The following USP46 variants were observed in gnomAD, a reference collection of about 807,000 sequenced individuals.
USP46 encodes ubiquitin specific peptidase 46, also known as ubiquitin carboxyl-terminal hydrolase 46.
A neutral mutation model predicts 44.4 loss-of-function variants in USP46; 12 were observed. The observed-to-expected ratio is 0.27, with a 90% CI of 0.17 to 0.44. The LOEUF (loss-of-function observed/expected upper bound fraction) is 0.44, where lower values mean the gene tolerates loss of function less well. USP46 is among the 20% of genes least tolerant of loss of function. The pLI, the probability that USP46 is intolerant of heterozygous loss-of-function variation, is 1.00. For synonymous variants in USP46, 155 were observed against 161.5 expected, an observed-to-expected ratio of 0.96 and a Z score of 0.31; for missense variants, 248 against 444.8, an observed-to-expected ratio of 0.56 and a Z score of 3.98.
At chr4:52,650,131 G>A (rs950248898) in intron 1 of USP46, among the ~76,000 whole-genome samples, 1 of 152,194 alleles carries the variant, frequency 6.6e-6, no homozygotes, top group African/African-American at 2.4e-5. Flanking sequence ...AGACACCTGA[G>A]CAAAGAAGAC....
intron 1 of USP46, among the ~76,000 whole-genome samples, chr4:52,635,414 T>G (rs899028143): frequency 2.0e-5 from 3 of 152,218 alleles, no homozygotes; most frequent in Non-Finnish European, 4.4e-5. Flanking sequence ...CCATTTCAAG[T>G]GGCCCACAAC....
chr4:52,630,278 G>A (rs1717769238), intron 2 of USP46, among the ~76,000 whole-genome samples: 1 of 152,182 alleles, frequency 6.6e-6, no homozygotes, highest in Admixed American at 6.5e-5. Context: ...GGAATTCTGA[G>A]ATAAAATGGT....
At chr4:52,635,704 T>A (rs1405857125) in intron 1 of USP46, among the ~76,000 whole-genome samples, 3 of 152,168 alleles carry the variant, frequency 2.0e-5, no homozygotes, top group Non-Finnish European at 4.4e-5. Context: ...TGCTTCAGCA[T>A]CTCCCATATC....
Position 52,601,896 on chromosome 4 carries a change from C to T in USP46, c.881G>A (p.Arg294His), listed in dbSNP as rs768831016. ...GACCACCGCAACCAAGTCATACATGCGGTCCAGGTTCACTGCATCACTGGA... is the reference window on the plus strand; with the variant it reads ...GACCACCGCAACCAAGTCATACATGTGGTCCAGGTTCACTGCATCACTGGA... Reference protein sequence around the residue: ...NTSSDAVNLDRMYDLVAVVVH... With the variant: ...NTSSDAVNLDHMYDLVAVVVH... Residue 294 changes from arginine (R) to histidine (H), a missense_variant, in exon 7 of 9, where the codon CGC becomes CAC. Coordinates refer to ENST00000441222, the MANE Select transcript of USP46 (RefSeq NM_022832.4). The T allele has an allele frequency of 9.9e-6, 16 of 1,613,740 alleles. No individual in the cohort carries two copies. The highest frequency in any genetic ancestry group is 5.0e-5 in the Admixed American group (3 of 59,988).
At position 52,659,256 on chromosome 4, in the gene USP46, T is replaced by G; in HGVS notation, c.-106A>C. On this transcript the variant is annotated 5_prime_UTR_variant, in exon 1 of 9. Transcript: ENST00000441222. The surrounding 1 kb of genome is among the most constrained non-coding windows in gnomAD (Gnocchi z 4.2). The stretch of plus-strand genomic sequence containing the variant: ...GAGGCCGGGCGGCAGCGCGGCGGCC[T>G]GGGGTCCGGCTTTCAGTTTGGCTGG... 9.0e-7 allele frequency: 1 copy of G among 1,113,948 alleles called. No homozygotes were observed. The highest frequency in any genetic ancestry group is 1.1e-6 in the Non-Finnish European group (1 of 870,256). The allele number at this position is 1,113,948 out of a possible 1,614,324, so 69.0% of individuals were successfully genotyped here. A position where few individuals can be genotyped will look rare whatever the true frequency, so the allele number is the denominator to read the frequency against.
At chr4:52,642,285 T>C (rs2109655991) in intron 1 of USP46, among the ~76,000 whole-genome samples, 1 of 152,378 alleles carries the variant, frequency 6.6e-6, no homozygotes, top group South Asian at 2.1e-4. Flanking sequence ...TGTATTTCAT[T>C]CATTTTCATC....
intron 1 of USP46, among the ~76,000 whole-genome samples, chr4:52,632,918 G>GACAAAGAAAGAAAGAAAGAA (rs34224846): frequency 2.8e-5 from 1 of 35,176 alleles, no homozygotes; most frequent in Non-Finnish European, 6.3e-5. Flanking sequence ...AAGAAAGAAA[G>GACAAAGAAAGAAAGAAAGAA]AGAAAGAAAG....
At chr4:52,629,401 TA>T (rs1717721405) in intron 2 of USP46, among the ~76,000 whole-genome samples, 1 of 152,184 alleles carries the variant, frequency 6.6e-6, no homozygotes, top group Admixed American at 6.5e-5. Context: ...GAAATGGCCT[TA>T]ATTCTTTCTC....
At position 52,595,901 on chromosome 4, in the gene USP46, G is replaced by A. The variant is rs758568096; in HGVS notation, c.*1739C>T. The A allele has an allele frequency of 2.0e-5, 3 of 152,466 alleles. No homozygotes were observed. Among genetic ancestry groups the A allele is most frequent in the Non-Finnish European group, 4.4e-5 (3 of 68,020 alleles). 9.4% of individuals were successfully genotyped at this position (152,466 alleles called of 1,614,324 possible). On this transcript the variant is annotated 3_prime_UTR_variant, in exon 9 of 9. Transcript: ENST00000441222. The stretch of plus-strand genomic sequence containing the variant: ...TCACCTTCCAGGTAGTGATTACTGC[G>A]TAAGTTTCATGGAGGAAAAAAAAAT...
chr4:52,658,138 G>A (rs1719023250), intron 1 of USP46: 1 of 450,896 alleles, frequency 2.2e-6, no homozygotes. Flanking sequence ...GCGGGGTGCA[G>A]TCTAAAGAAT....
chr4:52,625,906 A>C (rs1010770538), intron 4 of USP46, 112 bp downstream of exon 4: 1 of 1,061,146 alleles, frequency 9.4e-7, no homozygotes, highest in Non-Finnish European at 1.4e-6. Flanking sequence ...AGGATTATTT[A>C]CATACACTGC....
chr4:52,626,164 C>G lies in USP46; in HGVS notation c.415G>C (p.Glu139Gln), dbSNP rs1302280939. Reference protein sequence around the residue: ...LNTIADILQEEKKQEKQNGKL... With the variant: ...LNTIADILQEQKKQEKQNGKL... ...CCATTTTGTTTTTCCTGTTTCTTCT[C>G]CTCCTGAAGGATGTCCGCAATAGTG... is the stretch of plus-strand genomic sequence containing the variant. Residue 139 changes from glutamate to glutamine, a missense_variant, in exon 4 of 9, where the codon GAG (glutamate) becomes CAG (glutamine). Around this residue, in one of 5 missense-constraint regions of USP46, gnomAD observed 54 missense variants for 135.0 expected, o/e 0.40. Transcript: ENST00000441222. The G allele has an allele frequency of 6.2e-7, 1 of 1,613,738 alleles. No homozygotes were observed. Among genetic ancestry groups the G allele is most frequent in the African/African-American group, 1.3e-5 (1 of 74,884 alleles).
Position 52,597,535 on chromosome 4 carries a change from T to G in USP46, c.*105A>C. The G allele has an allele frequency of 1.4e-6, 1 of 734,918 alleles. No individual in the cohort carries two copies. Among genetic ancestry groups the G allele is most frequent in the Non-Finnish European group, 2.3e-6 (1 of 426,772 alleles). 45.5% of individuals were successfully genotyped at this position (734,918 alleles called of 1,614,324 possible). A position where few individuals can be genotyped will look rare whatever the true frequency, so the allele number is the denominator to read the frequency against. On this transcript the variant is annotated 3_prime_UTR_variant, in exon 9 of 9. Transcript: ENST00000441222. Reference sequence around the variant, plus strand: ...ACAGCCAGACCATTGAGACTCGGAGTGATACCATTAGTGGGCCACTGGGGA... The same window carrying G: ...ACAGCCAGACCATTGAGACTCGGAGGGATACCATTAGTGGGCCACTGGGGA...
Position 52,597,747 on chromosome 4 carries a change from A to T in USP46, c.1000-6T>A, listed in dbSNP as rs569716112. 1 of 1,572,420 alleles carries T rather than the reference A, an allele frequency of 6.4e-7. No individual in the cohort carries two copies. Among genetic ancestry groups the T allele is most frequent in the East Asian group, 2.3e-5 (1 of 44,292 alleles). On this transcript the variant is annotated splice_region_variant and splice_polypyrimidine_tract_variant and intron_variant, in intron 8 of 8. Coordinates refer to ENST00000441222, the MANE Select transcript of USP46 (RefSeq NM_022832.4). ...ATAGCTTGAGCATCTATTTTCTGCAATAAAGGAGAAAGAAAACAACACAAT... is the reference window on the plus strand; with the variant it reads ...ATAGCTTGAGCATCTATTTTCTGCATTAAAGGAGAAAGAAAACAACACAAT...
At chr4:52,633,915 C>CA (rs1003040967) in intron 1 of USP46, among the ~76,000 whole-genome samples, 2 of 152,112 alleles carry the variant, frequency 1.3e-5, no homozygotes, top group African/African-American at 2.4e-5. Context: ...CAAAACAGCA[C>CA]AGCGAAAAAT....
intron 4 of USP46, among the ~76,000 whole-genome samples, chr4:52,623,792 G>C (rs1050242851): frequency 6.6e-6 from 1 of 152,040 alleles, no homozygotes; most frequent in African/African-American, 2.4e-5. Flanking sequence ...CAGGCGTGGT[G>C]GTGGGCGCCT....
At chr4:52,609,898 C>CTTTTTT (rs66817554) in intron 5 of USP46, among the ~76,000 whole-genome samples, 331 of 24,588 alleles carry the variant, frequency 0.013, 89 homozygotes, top group Non-Finnish European at 0.021. Context: ...AATTCTATTT[C>CTTTTTT]TTTTTTTTTT....
At chr4:52,603,317 C>T (rs1560391443) in intron 6 of USP46, among the ~76,000 whole-genome samples, 2 of 152,216 alleles carry the variant, frequency 1.3e-5, no homozygotes, top group African/African-American at 2.4e-5. Flanking sequence ...AGGTATCTAC[C>T]TACCTCCTTG....
intron 1 of USP46, among the ~76,000 whole-genome samples, chr4:52,639,038 C>T (rs924378988): frequency 1.1e-4 from 17 of 152,046 alleles, no homozygotes; most frequent in African/African-American, 3.9e-4. Flanking sequence ...TCATTGGTAA[C>T]GTGAATCTTT....
Sources: allele counts gnomAD v4.1 joint callset (sites outside exome capture counted in the v4.1 genomes callset), GRCh38; gene constraint gnomAD v4.1.1; regional missense constraint gnomAD v4.1.1; non-coding constraint Gnocchi (gnomAD v3.1); transcripts MANE v1.5; gene names NCBI Gene and HGNC (gene_info 2026-07-23, HGNC 2026-07-21).